Variants in MYLIP observed in about 807,000 individuals in gnomAD.
MYLIP encodes the protein myosin regulatory light chain interacting protein.
Under a neutral mutation model 45.8 loss-of-function variants are expected in MYLIP, and 26 were observed. The ratio of observed to expected loss-of-function variants is 0.57; its 90% confidence interval spans 0.42 to 0.79. The LOEUF (loss-of-function observed/expected upper bound fraction) is 0.79, where lower values mean the gene tolerates loss of function less well. Ranked by LOEUF, MYLIP falls within the 30% of genes least tolerant of loss-of-function variation. The pLI is 0.00. For synonymous variants in MYLIP, 213 were observed against 218.1 expected, an observed-to-expected ratio of 0.98 and a Z score of 0.21; for missense variants, 494 against 555.6, an observed-to-expected ratio of 0.89 and a Z score of 1.11.
At chr6:16,146,194 C>G (rs1407445639) in intron 6 of MYLIP, among the ~76,000 whole-genome samples, 1 of 152,234 alleles carries the variant, frequency 6.6e-6, no homozygotes. Context: ...GAATGTGGAG[C>G]TGCCACCTAC....
intron 2 of MYLIP, among the ~76,000 whole-genome samples, chr6:16,136,095 T>G (rs866157213): frequency 7.2e-5 from 11 of 152,150 alleles, no homozygotes; most frequent in African/African-American, 2.7e-4. Context: ...ATGTAAAATT[T>G]ACATAAATCC....
chr6:16,145,614 C>G (rs1049648982), intron 6 of MYLIP, among the ~76,000 whole-genome samples: 3 of 152,132 alleles, frequency 2.0e-5, no homozygotes, highest in African/African-American at 7.2e-5. Context: ...GACAAGAATC[C>G]AGGCCTCCTG....
At chr6:16,131,055 A>G (rs1581600400) in intron 2 of MYLIP, among the ~76,000 whole-genome samples, 1 of 148,238 alleles carries the variant, frequency 6.7e-6, no homozygotes, top group Non-Finnish European at 1.5e-5. Flanking sequence ...AAAAGAAACC[A>G]CCCTACCCGA....
In MYLIP at chr6:16,147,921, T is replaced by C. The variant is rs541642474; in HGVS notation, c.*1170T>C. 3 of 152,746 alleles carry C rather than the reference T, an allele frequency of 2.0e-5. No homozygotes were observed. The highest frequency in any genetic ancestry group is 4.1e-4 in the South Asian group (2 of 4,824). The allele number at this position is 152,746 out of a possible 1,614,324, so 9.5% of individuals were successfully genotyped here. Reference sequence around the variant, plus strand: ...GTCAGCTAGCAGGTTTTCTGGGATGTCGGGAGACCTAGATGACCTTATCGG... The same window carrying C: ...GTCAGCTAGCAGGTTTTCTGGGATGCCGGGAGACCTAGATGACCTTATCGG... On this transcript the variant is annotated 3_prime_UTR_variant, in exon 7 of 7. Coordinates refer to ENST00000356840, the MANE Select transcript of MYLIP (RefSeq NM_013262.4).
the MYLIP span, chr6:16,161,345 C>A: frequency 3.7e-6 from 1 of 267,866 alleles, no homozygotes. Flanking sequence ...TTATCCTGAT[C>A]GGCTGTGCCT....
the MYLIP span, among the ~76,000 whole-genome samples, chr6:16,155,424 T>C: frequency 6.6e-6 from 1 of 152,162 alleles, no homozygotes; most frequent in Admixed American, 6.5e-5. Context: ...AGGGAATGAA[T>C]GACTAAAGGA....
At chr6:16,143,926 A>G (rs1759732181) in intron 5 of MYLIP, 63 bp downstream of exon 5, 4 of 1,539,018 alleles carry the variant, frequency 2.6e-6, no homozygotes, top group African/African-American at 1.4e-5. Flanking sequence ...GGTGACAACC[A>G]GGTTTCTACG....
intron 2 of MYLIP, among the ~76,000 whole-genome samples, chr6:16,132,496 T>C (rs1180936277): frequency 6.6e-6 from 1 of 152,242 alleles, no homozygotes; most frequent in Non-Finnish European, 1.5e-5. Context: ...TAATTGATTT[T>C]AATTCTTTTT....
rs1025847562 is a variant in MYLIP, at chr6:16,129,113, C to A, written c.-210C>A. On this transcript the variant is annotated 5_prime_UTR_variant, in exon 1 of 7. Coordinates refer to ENST00000356840, the MANE Select transcript of MYLIP (RefSeq NM_013262.4). This position sits in a 1 kb window ranked among gnomAD's most constrained non-coding sequence, Gnocchi z 5.1. ...TTGGGCTGCTGGAGTGCGGCGCCACCGCGGAGGACAGGGGCAGCTGGCGGG... is the reference window on the plus strand; with the variant it reads ...TTGGGCTGCTGGAGTGCGGCGCCACAGCGGAGGACAGGGGCAGCTGGCGGG... 2 of 561,552 alleles carry A rather than the reference C, an allele frequency of 3.6e-6. No individual in the cohort carries two copies. Among genetic ancestry groups the A allele is most frequent in the African/African-American group, 2.0e-5 (1 of 50,002 alleles). 34.8% of individuals were successfully genotyped at this position (561,552 alleles called of 1,614,324 possible).
chr6:16,146,398 G>GT (rs1414887658), intron 6 of MYLIP, among the ~76,000 whole-genome samples: 10 of 152,316 alleles, frequency 6.6e-5, no homozygotes, highest in African/African-American at 2.4e-4. Flanking sequence ...TTTATTCAAT[G>GT]TACCTTCTTT....
intron 2 of MYLIP, among the ~76,000 whole-genome samples, chr6:16,138,784 C>G (rs1447380630): frequency 6.6e-6 from 1 of 152,190 alleles, no homozygotes; most frequent in African/African-American, 2.4e-5. Context: ...AAGGGACTAT[C>G]AGAAAGCTGA....
Position 16,144,942 on chromosome 6 carries a change from C to G in MYLIP, c.873C>G (p.Asp291Glu). ...TSAVMMQYSRDLKGHLASLFL... is the reference protein window; with the variant it reads ...TSAVMMQYSRELKGHLASLFL... ...CCGTGATGATGCAGTATAGCCGTGACTTGAAGGGCCACTTGGCATCTCTGT... is the reference window on the plus strand; with the variant it reads ...CCGTGATGATGCAGTATAGCCGTGAGTTGAAGGGCCACTTGGCATCTCTGT... The change falls in exon 6 of 7, where the codon GAC (aspartate) becomes GAG (glutamate). Residue 291 changes from aspartate (D) to glutamate (E), a missense_variant. Physicochemically the swap from Asp to Glu is conservative, Grantham distance 45. Transcript: ENST00000356840. 1.2e-6 allele frequency: 2 copies of G among 1,614,192 alleles called. No homozygotes were observed. The highest frequency in any genetic ancestry group is 1.7e-6 in the Non-Finnish European group (2 of 1,180,020).
chr6:16,158,207 C>A, the MYLIP span, among the ~76,000 whole-genome samples: 1 of 152,164 alleles, frequency 6.6e-6, no homozygotes, highest in Admixed American at 6.5e-5. Flanking sequence ...AAAAGCACAC[C>A]GTCCCCGCCA....
At chr6:16,155,002 G>A in the MYLIP span, among the ~76,000 whole-genome samples, 1 of 152,170 alleles carries the variant, frequency 6.6e-6, no homozygotes, top group South Asian at 2.1e-4. Context: ...TCAACTGGAG[G>A]CCTTCACTCC....
chr6:16,159,251 G>A, the MYLIP span, among the ~76,000 whole-genome samples: 1 of 152,202 alleles, frequency 6.6e-6, no homozygotes, highest in African/African-American at 2.4e-5. Flanking sequence ...ATAAAGCATC[G>A]TGAGGAGTGG....
downstream of MYLIP, among the ~76,000 whole-genome samples, chr6:16,151,250 A>G (rs1432482856): frequency 2.0e-5 from 3 of 151,634 alleles, no homozygotes; most frequent in Admixed American, 6.6e-5. Context: ...CCAGCTACTC[A>G]GGAGGCTGAG....
At chr6:16,153,010 C>G (rs149661048), downstream of MYLIP, among the ~76,000 whole-genome samples, 23 of 152,234 alleles carry the variant, frequency 1.5e-4, no homozygotes, top group African/African-American at 5.3e-4. Flanking sequence ...CCCCTACTCC[C>G]AGCCCTACTG....
chr6:16,142,303 T>G (rs771740908), intron 3 of MYLIP, among the ~76,000 whole-genome samples: 1 of 152,236 alleles, frequency 6.6e-6, no homozygotes, highest in Non-Finnish European at 1.5e-5. Context: ...AAATGCTATA[T>G]AAAATGGGAA....
At position 16,147,670 on chromosome 6, in the gene MYLIP, T is replaced by G. The variant is rs988834094; in HGVS notation, c.*919T>G. On this transcript the variant is annotated 3_prime_UTR_variant, in exon 7 of 7. Coordinates refer to ENST00000356840, the MANE Select transcript of MYLIP (RefSeq NM_013262.4). ...TCGATCCCAGCTTCACCCACTGGTGTTGCTTTGCTTGAACTGTTCAAGCCT... is the reference window on the plus strand; with the variant it reads ...TCGATCCCAGCTTCACCCACTGGTGGTGCTTTGCTTGAACTGTTCAAGCCT... 1.3e-5 allele frequency: 2 copies of G among 152,456 alleles called. No individual in the cohort carries two copies. The highest frequency in any genetic ancestry group is 4.8e-5 in the African/African-American group (2 of 41,460). 9.4% of individuals were successfully genotyped at this position (152,456 alleles called of 1,614,324 possible).
Sources: allele counts gnomAD v4.1 joint callset (sites outside exome capture counted in the v4.1 genomes callset), GRCh38; gene constraint gnomAD v4.1.1; non-coding constraint Gnocchi (gnomAD v3.1); transcripts MANE v1.5; gene names NCBI Gene and HGNC (gene_info 2026-07-23, HGNC 2026-07-21).